LHFPL3: variants seen among roughly 807,000 people sequenced by gnomAD.
LHFPL3 encodes LHFPL tetraspan subfamily member 3.
A neutral mutation model predicts 19.3 loss-of-function variants in LHFPL3; 5 were observed. The observed-to-expected ratio is 0.26, with a 90% CI of 0.14 to 0.54. The LOEUF is 0.54. LHFPL3 is among the 20% of genes least tolerant of loss of function. LHFPL3 has a pLI of 0.94. For missense variants in LHFPL3, 249 were observed against 307.4 expected (o/e 0.81, Z 1.42); for synonymous variants, 133 against 126.2 (o/e 1.05, Z -0.36).
intron 1 of LHFPL3, among the ~76,000 whole-genome samples, chr7:104,358,270 A>AGTT (rs1174543911): frequency 6.6e-6 from 1 of 152,232 alleles, no homozygotes; most frequent in Admixed American, 6.5e-5. Flanking sequence ...AATACCGTTC[A>AGTT]GTTGTGCACT....
intron 1 of LHFPL3, among the ~76,000 whole-genome samples, chr7:104,636,925 G>C (rs1562955352): frequency 6.6e-6 from 1 of 152,162 alleles, no homozygotes; most frequent in Non-Finnish European, 1.5e-5. Flanking sequence ...TGGGTTGAAT[G>C]GTAGTTCTGT....
intron 2 of LHFPL3, among the ~76,000 whole-genome samples, chr7:104,820,752 C>CA (rs936541327): frequency 7.2e-5 from 11 of 152,310 alleles, no homozygotes; most frequent in Non-Finnish European, 1.3e-4. Flanking sequence ...ACCACCCCCC[C>CA]AGACCAAAGA....
intron 1 of LHFPL3, among the ~76,000 whole-genome samples, chr7:104,389,062 G>C (rs1791006929): frequency 6.6e-6 from 1 of 152,142 alleles, no homozygotes; most frequent in South Asian, 2.1e-4. Flanking sequence ...ATTGAGATTG[G>C]AAAGGAAGAA....
chr7:104,735,066 C>T (rs145984714), intron 1 of LHFPL3, among the ~76,000 whole-genome samples: 4 of 152,180 alleles, frequency 2.6e-5, no homozygotes, highest in Non-Finnish European at 1.5e-5. Flanking sequence ...GCTGTCTGAT[C>T]GTTCCTCTGG....
chr7:104,554,800 T>C (rs771891067), intron 1 of LHFPL3, among the ~76,000 whole-genome samples: 6 of 152,106 alleles, frequency 3.9e-5, no homozygotes, highest in Non-Finnish European at 5.9e-5. Context: ...GGGAAGACAA[T>C]AGTCCAAGTC....
At chr7:104,502,196 A>G (rs1280991159) in intron 1 of LHFPL3, among the ~76,000 whole-genome samples, 1 of 152,226 alleles carries the variant, frequency 6.6e-6, no homozygotes, top group Non-Finnish European at 1.5e-5. Flanking sequence ...CTAACTGTAT[A>G]GCACATTGCT....
chr7:104,814,918 C>A (rs1270424524), intron 2 of LHFPL3, among the ~76,000 whole-genome samples: 1 of 152,218 alleles, frequency 6.6e-6, no homozygotes, highest in Non-Finnish European at 1.5e-5. Context: ...CCTGCAAGGG[C>A]AGGGGTGCCT....
chr7:104,422,313 A>G (rs1011868138), intron 1 of LHFPL3, among the ~76,000 whole-genome samples: 4 of 152,162 alleles, frequency 2.6e-5, no homozygotes, highest in African/African-American at 9.7e-5. Context: ...GTGAGCCGAG[A>G]TTGTGCCACT....
At chr7:104,830,017 G>A (rs201153038) in intron 2 of LHFPL3, among the ~76,000 whole-genome samples, 12,992 of 151,762 alleles carry the variant, frequency 0.086, 1,315 homozygotes, top group East Asian at 0.43. Flanking sequence ...TTTAATGATC[G>A]CCATTCTAAC....
intron 1 of LHFPL3, among the ~76,000 whole-genome samples, chr7:104,614,680 C>CTTCTTTCT (rs60085377): frequency 2.6e-4 from 25 of 94,442 alleles, no homozygotes; most frequent in Non-Finnish European, 3.5e-4. Flanking sequence ...TCCTTCCTTC[C>CTTCTTTCT]TTCTTTCTTT....
At chr7:104,666,072 C>T (rs546651675) in intron 1 of LHFPL3, among the ~76,000 whole-genome samples, 17 of 152,170 alleles carry the variant, frequency 1.1e-4, no homozygotes, top group Non-Finnish European at 2.1e-4. Context: ...TACATTTGTA[C>T]GGGATACATG....
At chr7:104,656,393 G>GA (rs1370848357) in intron 1 of LHFPL3, among the ~76,000 whole-genome samples, 4 of 151,990 alleles carry the variant, frequency 2.6e-5, no homozygotes, top group Non-Finnish European at 5.9e-5. Context: ...CTTTCAGGGG[G>GA]AAAAAAATGT....
chr7:104,866,381 A>T (rs1023380169), intron 2 of LHFPL3, among the ~76,000 whole-genome samples: 2 of 152,172 alleles, frequency 1.3e-5, no homozygotes, highest in African/African-American at 4.8e-5. Flanking sequence ...ATGGAGGAAG[A>T]TCTACCAAGC....
intron 1 of LHFPL3, among the ~76,000 whole-genome samples, chr7:104,609,097 T>C (rs1408215415): frequency 6.6e-6 from 1 of 151,890 alleles, no homozygotes; most frequent in Non-Finnish European, 1.5e-5. Context: ...AAACCCTGTA[T>C]CTACTAAAAA....
At chr7:104,833,002 A>ATATATATATATTATCTATAATAGATATAT (rs1790988542) in intron 2 of LHFPL3, among the ~76,000 whole-genome samples, 1 of 44,138 alleles carries the variant, frequency 2.3e-5, no homozygotes, top group African/African-American at 9.3e-5. Context: ...CATATATATT[A>ATATATATATATTATCTATAATAGATATAT]TATATATATA....
At chr7:104,806,381 C>G (rs73714132) in intron 2 of LHFPL3, among the ~76,000 whole-genome samples, 1 of 152,164 alleles carries the variant, frequency 6.6e-6, no homozygotes, top group Non-Finnish European at 1.5e-5. Context: ...TCTAGAAACC[C>G]TTAAACTGTT....
intron 1 of LHFPL3, among the ~76,000 whole-genome samples, chr7:104,410,440 C>G (rs1206568500): frequency 6.6e-6 from 1 of 152,182 alleles, no homozygotes; most frequent in Non-Finnish European, 1.5e-5. Context: ...GCCTGTATGT[C>G]TGTTTTACCC....
At chr7:104,761,322 CA>C (rs1349583571) in intron 2 of LHFPL3, among the ~76,000 whole-genome samples, 1 of 151,844 alleles carries the variant, frequency 6.6e-6, no homozygotes, top group Non-Finnish European at 1.5e-5. Flanking sequence ...ATCCTTGTAG[CA>C]CAAGGATGGA....
chr7:104,848,341 T>G (rs1791351637), intron 2 of LHFPL3, among the ~76,000 whole-genome samples: 1 of 152,196 alleles, frequency 6.6e-6, no homozygotes. Context: ...TTCCTTCTCC[T>G]GTGACAACGG....
Sources: gnomAD v4.1 joint callset for allele counts (sites outside exome capture counted in the v4.1 genomes callset) on GRCh38, gnomAD v4.1.1 for gene constraint, MANE v1.5 for transcripts, NCBI Gene and HGNC (gene_info 2026-07-23, HGNC 2026-07-21) for gene names.